RGMA: variants seen among roughly 807,000 people sequenced by gnomAD.
RGMA encodes repulsive guidance molecule A.
RGMA carries 10 observed loss-of-function variants against 23.2 expected under a neutral mutation model. That is an observed-to-expected ratio of 0.43 (90% CI 0.27 to 0.73). The LOEUF (loss-of-function observed/expected upper bound fraction) is 0.73. Ranked by LOEUF, RGMA falls within the 30% of genes least tolerant of loss-of-function variation. The pLI is 0.20. For synonymous variants in RGMA, 308 were observed against 279.3 expected (o/e 1.10, Z -1.03); for missense variants, 547 against 630.5 (o/e 0.87, Z 1.42).
chr15:93,045,737 G>T lies in RGMA; in HGVS notation c.646-32C>A. Reference sequence around the variant, plus strand: ...GGGAAAGGGGCAGAGGAGAGTGGGTGAGGCACAGTGGGAGGAGGCACAGCC... The same window carrying T: ...GGGAAAGGGGCAGAGGAGAGTGGGTTAGGCACAGTGGGAGGAGGCACAGCC... On this transcript the variant is annotated intron_variant, in intron 3 of 3. Coordinates refer to ENST00000329082, the MANE Select transcript of RGMA (RefSeq NM_020211.3). The surrounding 1 kb of genome is among the most constrained non-coding windows in gnomAD (Gnocchi z 6.9). The T allele has an allele frequency of 6.6e-7, 1 of 1,511,502 alleles. No individual in the cohort carries two copies. Among genetic ancestry groups the T allele is most frequent in the Non-Finnish European group, 9.1e-7 (1 of 1,101,724 alleles). The allele number at this position is 1,511,502 out of a possible 1,614,324, so 93.6% of individuals were successfully genotyped here. A position where few individuals can be genotyped will look rare whatever the true frequency, so the allele number is the denominator to read the frequency against.
At chr15:93,078,555 C>T (rs1271828071) in intron 1 of RGMA, among the ~76,000 whole-genome samples, 1 of 152,198 alleles carries the variant, frequency 6.6e-6, no homozygotes, top group Non-Finnish European at 1.5e-5. Flanking sequence ...TGAATCAGTA[C>T]TTGTTCTCTC....
chr15:93,059,471 C>G (rs1160812219), intron 2 of RGMA, among the ~76,000 whole-genome samples: 1 of 152,212 alleles, frequency 6.6e-6, no homozygotes, highest in Non-Finnish European at 1.5e-5. Context: ...TCTTCCAAAG[C>G]TCAAGGGAAT....
chr15:93,058,390 A>G (rs1183276117), intron 2 of RGMA, among the ~76,000 whole-genome samples: 1 of 152,168 alleles, frequency 6.6e-6, no homozygotes, highest in East Asian at 1.9e-4. Context: ...CGGGCACCTC[A>G]CCAGAGGGGT....
rs550899174 is a variant in RGMA, at chr15:93,041,467, G to C, written c.*3531C>G. On this transcript the variant is annotated 3_prime_UTR_variant, in exon 4 of 4. Transcript: ENST00000329082. ...TATTCACGACGGCATTTCCATGCTC[G>C]TGAGGGCAACCAGTAGTAAGTAGCA... is the stretch of plus-strand genomic sequence containing the variant. The C allele has an allele frequency of 6.6e-6, 1 of 152,188 alleles. No homozygotes were observed. Among genetic ancestry groups the C allele is most frequent in the African/African-American group, 2.4e-5 (1 of 41,442 alleles). 9.4% of individuals were successfully genotyped at this position (152,188 alleles called of 1,614,324 possible).
At chr15:93,058,354 T>G (rs1192914581) in intron 2 of RGMA, among the ~76,000 whole-genome samples, 3 of 152,170 alleles carry the variant, frequency 2.0e-5, no homozygotes, top group Non-Finnish European at 2.9e-5. Flanking sequence ...GCAAATTCAC[T>G]GACCTTTCTG....
intron 2 of RGMA, among the ~76,000 whole-genome samples, chr15:93,069,338 G>A (rs1211113468): frequency 6.6e-6 from 1 of 152,176 alleles, no homozygotes; most frequent in Non-Finnish European, 1.5e-5. Flanking sequence ...TCGAACTCCT[G>A]GCCTCAAGCA....
At chr15:93,080,812 C>T (rs1054980312) in intron 1 of RGMA, among the ~76,000 whole-genome samples, 12 of 152,132 alleles carry the variant, frequency 7.9e-5, no homozygotes, top group African/African-American at 2.9e-4. Context: ...TTGGAGCAGC[C>T]GTGTTTCTTT....
At chr15:93,066,760 G>A (rs1409873109) in intron 2 of RGMA, among the ~76,000 whole-genome samples, 5 of 152,172 alleles carry the variant, frequency 3.3e-5, no homozygotes, top group African/African-American at 9.7e-5. Context: ...TGATCCACCC[G>A]CCTCGGCCTC....
Position 93,052,386 on chromosome 15 carries a change from C to T in RGMA, c.252G>A (p.Leu84=), listed in dbSNP as rs748812284. Residue 84 remains leucine, a synonymous_variant, in exon 3 of 4, where the codon CTG becomes CTA. Coordinates refer to ENST00000329082, the MANE Select transcript of RGMA (RefSeq NM_020211.3). ...AGGTGCGGGCCGTCCGCCGCGTGCA[C>T]AGGGCGTAGCTGCGCAAGGCTGCAC... ...EFCAALRSYA[L]CTRRTARTCR... 1.3e-6 allele frequency: 2 copies of T among 1,599,984 alleles called. No homozygotes were observed. Among genetic ancestry groups the T allele is most frequent in the Non-Finnish European group, 1.7e-6 (2 of 1,179,388 alleles).
intron 1 of RGMA, chr15:93,073,277 T>A: frequency 2.3e-6 from 2 of 872,030 alleles, no homozygotes. Flanking sequence ...CGCGCTCGGG[T>A]TTCAGCGAGG....
At chr15:93,066,830 T>C (rs1362736938) in intron 2 of RGMA, among the ~76,000 whole-genome samples, 2 of 152,332 alleles carry the variant, frequency 1.3e-5, no homozygotes, top group South Asian at 4.1e-4. Flanking sequence ...GCATATTTAA[T>C]GACATATTTA....
chr15:93,043,499 C>T lies in RGMA; in HGVS notation c.*1499G>A, dbSNP rs1206301696. The T allele has an allele frequency of 1.3e-5, 2 of 152,502 alleles. No individual in the cohort carries two copies. Among genetic ancestry groups the T allele is most frequent in the African/African-American group, 4.8e-5 (2 of 41,452 alleles). 9.4% of individuals were successfully genotyped at this position (152,502 alleles called of 1,614,324 possible). ...ACACGCGGTGACACTCCACACAGGT[C>T]GCAGACACGTGGACGCAGTGAGGGG... On this transcript the variant is annotated 3_prime_UTR_variant, in exon 4 of 4. Coordinates refer to ENST00000329082, the MANE Select transcript of RGMA (RefSeq NM_020211.3).
intron 2 of RGMA, chr15:93,066,258 G>A (rs1449093890): frequency 8.5e-7 from 1 of 1,175,732 alleles, no homozygotes; most frequent in Non-Finnish European, 1.3e-6. Context: ...TTTAATAGCT[G>A]TCTGGTGAAC....
At chr15:93,058,227 G>A (rs2055045458) in intron 2 of RGMA, among the ~76,000 whole-genome samples, 1 of 152,224 alleles carries the variant, frequency 6.6e-6, no homozygotes, top group South Asian at 2.1e-4. Flanking sequence ...CAGGTGAGAT[G>A]TTCTTATGGG....
intron 2 of RGMA, among the ~76,000 whole-genome samples, chr15:93,052,942 A>G (rs1567182755): frequency 6.6e-6 from 1 of 152,308 alleles, no homozygotes; most frequent in East Asian, 1.9e-4. Flanking sequence ...CTGGCATTGT[A>G]TGACCTTATA....
chr15:93,058,131 T>C (rs2055043686), intron 2 of RGMA, among the ~76,000 whole-genome samples: 1 of 152,164 alleles, frequency 6.6e-6, no homozygotes, highest in African/African-American at 2.4e-5. Flanking sequence ...GAAGAGACCT[T>C]AGATCCTATA....
intron 2 of RGMA, among the ~76,000 whole-genome samples, chr15:93,054,856 C>A (rs2054987716): frequency 6.6e-6 from 1 of 152,218 alleles, no homozygotes; most frequent in African/African-American, 2.4e-5. Flanking sequence ...CTTCACGTCT[C>A]CTTAACCTGT....
At chr15:93,078,616 C>T (rs558805630) in intron 1 of RGMA, among the ~76,000 whole-genome samples, 326 of 152,278 alleles carry the variant, frequency 2.1e-3, no homozygotes, top group Non-Finnish European at 3.8e-3. Flanking sequence ...GCCTTTCTGG[C>T]TTCATCTTTC....
intron 2 of RGMA, among the ~76,000 whole-genome samples, chr15:93,072,163 C>T (rs1396156700): frequency 6.6e-6 from 1 of 152,114 alleles, no homozygotes; most frequent in Non-Finnish European, 1.5e-5. Context: ...GGAACAAATG[C>T]TTCTCTGTGG....
Sources: allele counts gnomAD v4.1 joint callset (sites outside exome capture counted in the v4.1 genomes callset), GRCh38; gene constraint gnomAD v4.1.1; non-coding constraint Gnocchi (gnomAD v3.1); transcripts MANE v1.5; gene names NCBI Gene and HGNC (gene_info 2026-07-23, HGNC 2026-07-21).